The following MIOX variants were observed in gnomAD, a reference collection of about 807,000 sequenced individuals.
MIOX encodes the protein myo-inositol oxygenase.
In MIOX, 51 loss-of-function variants were observed where a neutral mutation model predicts 42.7. The observed-to-expected ratio is 1.19, with a 90% CI of 0.95 to 1.51. MIOX has a LOEUF of 1.51. MIOX is among the 40% of genes most tolerant of loss of function. The pLI is 0.00. For missense variants in MIOX, 395 were observed against 381.3 expected, an observed-to-expected ratio of 1.04 and a Z score of -0.30; for synonymous variants, 168 against 154.4, an observed-to-expected ratio of 1.09 and a Z score of -0.65.
At position 50,489,062 on chromosome 22, in the gene MIOX, T is replaced by G; in HGVS notation, c.431T>G (p.Phe144Cys). The part of the protein sequence containing the change: ...EPQWAVVGDT[F>C]PVGCRPQASV... Reference sequence around the variant, plus strand: ...CAGTGGGCTGTCGTCGGCGACACCTTCCCCGTCGGATGCCGTCCGCAGGCC... The same window carrying G: ...CAGTGGGCTGTCGTCGGCGACACCTGCCCCGTCGGATGCCGTCCGCAGGCC... Residue 144 changes from phenylalanine (F) to cysteine (C), a missense_variant, in exon 6 of 10, where the codon TTC becomes TGC. Physicochemically the swap from Phe to Cys is radical, Grantham distance 205. Coordinates refer to ENST00000216075, the MANE Select transcript of MIOX (RefSeq NM_017584.6). 1 of 1,610,350 alleles carries G rather than the reference T, an allele frequency of 6.2e-7. No homozygotes were observed.
In MIOX at chr22:50,487,449, G is replaced by T. The variant is rs763830791; in HGVS notation, c.80G>T (p.Ser27Ile). 6.2e-7 allele frequency: 1 copy of T among 1,613,744 alleles called. No individual in the cohort carries two copies. The highest frequency in any genetic ancestry group is 1.3e-5 in the African/African-American group (1 of 74,910). ...VDPEVAKDKASFRNYTSGPLL... is the reference protein window; with the variant it reads ...VDPEVAKDKAIFRNYTSGPLL... Reference sequence around the variant, plus strand: ...CCAGAGGTGGCCAAAGACAAGGCCAGCTTCCGGAACTACACGGTGAGTACC... The same window carrying T: ...CCAGAGGTGGCCAAAGACAAGGCCATCTTCCGGAACTACACGGTGAGTACC... Residue 27 changes from serine to isoleucine, a missense_variant, in exon 2 of 10, where the codon AGC (serine) becomes ATC (isoleucine). Transcript: ENST00000216075.
chr22:50,488,267 C>T lies in MIOX; in HGVS notation c.341-8C>T. The T allele has an allele frequency of 2.5e-6, 4 of 1,613,672 alleles. No individual in the cohort carries two copies. Among genetic ancestry groups the T allele is most frequent in the Non-Finnish European group, 1.7e-6 (2 of 1,179,796 alleles). On this transcript the variant is annotated splice_polypyrimidine_tract_variant and splice_region_variant and intron_variant, in intron 4 of 9. Coordinates refer to ENST00000216075, the MANE Select transcript of MIOX (RefSeq NM_017584.6). The stretch of plus-strand genomic sequence containing the variant: ...GTCCCCAACCTGCCCTGTCCATCCC[C>T]CTCCCAGACTGGTTCCACCTCGTCG...
At chr22:50,488,950 C>G (rs1277435498) in intron 5 of MIOX, 90 bp from the exon 6 acceptor site, 6 of 897,086 alleles carry the variant, frequency 6.7e-6, no homozygotes, top group Non-Finnish European at 1.0e-5. Flanking sequence ...CATGGCCGCC[C>G]GTCCCTCCTG....
In MIOX at chr22:50,487,815, C is replaced by T. The variant is rs758357897; in HGVS notation, c.178-71C>T. On this transcript the variant is annotated intron_variant, in intron 3 of 9. Coordinates refer to ENST00000216075, the MANE Select transcript of MIOX (RefSeq NM_017584.6). ...TCAGCCCCATGAGCCCACCAGGCGCCGAGGGGATGGAGAGGCCTGTGTGGT... is the reference window on the plus strand; with the variant it reads ...TCAGCCCCATGAGCCCACCAGGCGCTGAGGGGATGGAGAGGCCTGTGTGGT... The T allele has an allele frequency of 1.8e-3, 2,900 of 1,610,776 alleles. 10 individuals carry two copies. Among genetic ancestry groups the T allele is most frequent in the Non-Finnish European group, 2.3e-3 (2,702 of 1,178,128 alleles).
rs377490127 is a variant in MIOX at position 50,488,289 on chromosome 22, G to T, written c.355G>T (p.Val119Phe). Residue 119 changes from valine (V) to phenylalanine (F), a missense_variant, in exon 5 of 10, where the codon GTC (valine) becomes TTC (phenylalanine). By Grantham distance (50) the Val-to-Phe change is conservative. Coordinates refer to ENST00000216075, the MANE Select transcript of MIOX (RefSeq NM_017584.6). ...CCCCCTCCCAGACTGGTTCCACCTC[G>T]TCGGGCTCCTGCACGACCTGGGGAA... is the stretch of plus-strand genomic sequence containing the variant. ...AHPDKDWFHL[V>F]GLLHDLGKVL... 1.2e-6 allele frequency: 2 copies of T among 1,613,230 alleles called. No individual in the cohort carries two copies. The highest frequency in any genetic ancestry group is 3.3e-5 in the Admixed American group (2 of 59,868).
chr22:50,489,975 C>A lies in MIOX; in HGVS notation c.*119C>A, dbSNP rs2068341031. On this transcript the variant is annotated 3_prime_UTR_variant, in exon 10 of 10. Coordinates refer to ENST00000216075, the MANE Select transcript of MIOX (RefSeq NM_017584.6). ...CACCTCGGTGGGGGACCCCACTCAC[C>A]CCCTTAGGGTCGCCACCCCTCACGG... 2 of 903,166 alleles carry A rather than the reference C, an allele frequency of 2.2e-6. No homozygotes were observed. Among genetic ancestry groups the A allele is most frequent in the Admixed American group, 4.6e-5 (2 of 43,796 alleles). The allele number at this position is 903,166 out of a possible 1,614,324, so 55.9% of individuals were successfully genotyped here. A position where few individuals can be genotyped will look rare whatever the true frequency, so the allele number is the denominator to read the frequency against.
rs141438930 is a variant in MIOX, at chr22:50,487,748, C to T, written c.177+6C>T. ...TGGACTTCGTCAGGAGCAAGGTAGG[C>T]GTTTCCTGCCGCCCCGTGCAAACGC... is the stretch of plus-strand genomic sequence containing the variant. On this transcript the variant is annotated splice_donor_region_variant and intron_variant, in intron 3 of 9. Coordinates refer to ENST00000216075, the MANE Select transcript of MIOX (RefSeq NM_017584.6). The T allele has an allele frequency of 1.9e-5, 31 of 1,613,656 alleles. No individual in the cohort carries two copies. Among genetic ancestry groups the T allele is most frequent in the Middle Eastern group, 3.3e-4 (2 of 6,056 alleles).
In MIOX at chr22:50,490,019, A is replaced by G; in HGVS notation, c.*163A>G. ...CTCACGGCAACTTGTGCCTGGCGTC[A>G]ATAAAGACCTGGAAGGATGTTGTGC... On this transcript the variant is annotated 3_prime_UTR_variant, in exon 10 of 10. Transcript: ENST00000216075. 6.3e-6 allele frequency: 4 copies of G among 630,592 alleles called. No homozygotes were observed. Among genetic ancestry groups the G allele is most frequent in the Non-Finnish European group, 8.4e-6 (3 of 356,586 alleles). The allele number at this position is 630,592 out of a possible 1,614,324, so 39.1% of individuals were successfully genotyped here.
chr22:50,487,925 G>A lies in MIOX; in HGVS notation c.217G>A (p.Val73Ile), dbSNP rs771268879. ...FGGFSYKKMT[V>I]MEAVDLLDGL... ...GGGCTTCTCCTACAAGAAAATGACAGTCATGGAGGCCGTGGACCTGCTGGA... is the reference window on the plus strand; with the variant it reads ...GGGCTTCTCCTACAAGAAAATGACAATCATGGAGGCCGTGGACCTGCTGGA... Residue 73 changes from valine to isoleucine, a missense_variant, in exon 4 of 10, where the codon GTC becomes ATC. By Grantham distance (29) the Val-to-Ile change is conservative. Transcript: ENST00000216075. The A allele has an allele frequency of 6.2e-7, 1 of 1,614,002 alleles. No individual in the cohort carries two copies. The highest frequency in any genetic ancestry group is 2.2e-5 in the East Asian group (1 of 44,880).
At chr22:50,487,770 A>G in intron 3 of MIOX, 28 bp downstream of exon 3, 1 of 1,612,752 alleles carries the variant, frequency 6.2e-7, no homozygotes, top group Non-Finnish European at 8.5e-7. Context: ...CCCCGTGCAA[A>G]CGCGGAGGGA....
chr22:50,489,031 C>G lies in MIOX; in HGVS notation c.409-9C>G, dbSNP rs374606116. 3.3e-4 allele frequency: 525 copies of G among 1,601,534 alleles called. 3 individuals are homozygous for G. The African/African-American group carries it at 6.2e-3, about 19-fold the overall frequency. ...CCCATGGCCTCCCGTCCCTCCTGTC[C>G]CTCTGCAGTGGGCTGTCGTCGGCGA... On this transcript the variant is annotated splice_polypyrimidine_tract_variant and intron_variant, in intron 5 of 9. Coordinates refer to ENST00000216075, the MANE Select transcript of MIOX (RefSeq NM_017584.6).
At chr22:50,489,487 C>T (rs200530482) in intron 8 of MIOX, 41 bp downstream of exon 8, 89 of 1,610,586 alleles carry the variant, frequency 5.5e-5, no homozygotes, top group African/African-American at 2.4e-4. Context: ...CCACCAGGCC[C>T]GGTCCTGCAG....
In MIOX at chr22:50,489,813, A is replaced by G; in HGVS notation, c.815A>G (p.Gln272Arg). 6.2e-7 allele frequency: 1 copy of G among 1,611,754 alleles called. No homozygotes were observed. Among genetic ancestry groups the G allele is most frequent in the Non-Finnish European group, 8.5e-7 (1 of 1,179,900 alleles). The change falls in exon 10 of 10, where the codon CAG becomes CGG. Residue 272 changes from glutamine to arginine, a missense_variant. Coordinates refer to ENST00000216075, the MANE Select transcript of MIOX (RefSeq NM_017584.6). The part of the protein sequence containing the change: ...PDVDKLRPYY[Q>R]GLIDKYCPGI... ...GTGGACAAGCTGCGGCCCTACTACC[A>G]GGGGCTCATTGACAAGTACTGCCCT...
rs771730910 is a variant in MIOX at position 50,486,860 on chromosome 22, G to A, written c.-38G>A. 1 of 1,613,872 alleles carries A rather than the reference G, an allele frequency of 6.2e-7. No homozygotes were observed. The highest frequency in any genetic ancestry group is 1.1e-5 in the South Asian group (1 of 91,086). Reference sequence around the variant, plus strand: ...AGCCTGGCTGAGGACACACTCGCCAGCCTGTGCTTTGCCACCTGAGCGCCG... The same window carrying A: ...AGCCTGGCTGAGGACACACTCGCCAACCTGTGCTTTGCCACCTGAGCGCCG... On this transcript the variant is annotated 5_prime_UTR_variant, in exon 1 of 10. Coordinates refer to ENST00000216075, the MANE Select transcript of MIOX (RefSeq NM_017584.6).
intron 1 of MIOX, 100 bp from the exon 2 acceptor site, chr22:50,487,285 G>T: frequency 1.0e-6 from 1 of 1,001,872 alleles, no homozygotes. Flanking sequence ...CAGCCCTCGA[G>T]CAGAGGCAGG....
In MIOX at chr22:50,489,887, T is replaced by C. The variant is rs767910582; in HGVS notation, c.*31T>C. Reference sequence around the variant, plus strand: ...CTGCCACCCAAGCTGCTGCTGGACCTAGGCCTGGCCCTCCGCCTGCCTGGA... The same window carrying C: ...CTGCCACCCAAGCTGCTGCTGGACCCAGGCCTGGCCCTCCGCCTGCCTGGA... On this transcript the variant is annotated 3_prime_UTR_variant, in exon 10 of 10. Coordinates refer to ENST00000216075, the MANE Select transcript of MIOX (RefSeq NM_017584.6). 3.1e-6 allele frequency: 5 copies of C among 1,593,202 alleles called. No individual in the cohort carries two copies. In the African/African-American group the frequency reaches 5.4e-5, roughly 17 times the overall value.
rs2068322864 is a variant in MIOX at position 50,489,071 on chromosome 22, G to A, written c.440G>A (p.Gly147Glu). The A allele has an allele frequency of 1.2e-6, 2 of 1,611,282 alleles. No homozygotes were observed. Among genetic ancestry groups the A allele is most frequent in the Non-Finnish European group, 1.7e-6 (2 of 1,179,778 alleles). Reference protein sequence around the residue: ...WAVVGDTFPVGCRPQASVVFC... With the variant: ...WAVVGDTFPVECRPQASVVFC... ...GTCGTCGGCGACACCTTCCCCGTCG[G>A]ATGCCGTCCGCAGGCCTCCGTGGTT... Residue 147 changes from glycine to glutamate, a missense_variant, in exon 6 of 10, where the codon GGA becomes GAA. Gly to Glu is a moderately conservative substitution (Grantham distance 98). Transcript: ENST00000216075.
At position 50,489,797 on chromosome 22, in the gene MIOX, C is replaced by T; in HGVS notation, c.799C>T (p.Leu267=). 1 of 1,612,156 alleles carries T rather than the reference C, an allele frequency of 6.2e-7. No homozygotes were observed. Among genetic ancestry groups the T allele is most frequent in the Non-Finnish European group, 8.5e-7 (1 of 1,179,926 alleles). ...KCPDLPDVDK[L]RPYYQGLIDK... ...CCCGGACCTGCCGGACGTGGACAAG[C>T]TGCGGCCCTACTACCAGGGGCTCAT... Residue 267 remains leucine, a synonymous_variant, in exon 10 of 10, where the codon CTG becomes TTG. Transcript: ENST00000216075.
intron 5 of MIOX, among the ~76,000 whole-genome samples, chr22:50,488,735 GC>G (rs111414974): frequency 0.16 from 15,686 of 96,546 alleles, 1,824 homozygotes; most frequent in East Asian, 0.27. Flanking sequence ...TTCCCCCACG[GC>G]CCCCCATGGC....
Sources: gnomAD v4.1 joint callset for allele counts (sites outside exome capture counted in the v4.1 genomes callset) on GRCh38, gnomAD v4.1.1 for gene constraint, MANE v1.5 for transcripts, NCBI Gene and HGNC (gene_info 2026-07-23, HGNC 2026-07-21) for gene names.